Variants in CLDN14 observed in about 807,000 individuals in gnomAD.
The protein encoded by CLDN14 is claudin-14.
A neutral mutation model predicts 2.1 loss-of-function variants in CLDN14; 2 were observed. That is an observed-to-expected ratio of 0.96 (90% CI 0.39 to 3.01). The LOEUF (loss-of-function observed/expected upper bound fraction) is 3.01, where lower values mean the gene tolerates loss of function less well. Ranked by LOEUF, CLDN14 falls within the 30% of genes most tolerant of loss-of-function variation. The probability of loss-of-function intolerance (pLI) is 0.09; values close to 1 mark genes in which losing one functional copy is unlikely to be tolerated. For synonymous variants in CLDN14, 136 were observed against 154.4 expected (o/e 0.88, Z 0.88); for missense variants, 298 against 328.0 (o/e 0.91, Z 0.71).
chr21:36,516,051 G>A (rs555329915), intron 1 of CLDN14, among the ~76,000 whole-genome samples: 1 of 152,110 alleles, frequency 6.6e-6, no homozygotes, highest in South Asian at 2.1e-4. Context: ...GCCTCCCAAA[G>A]TGCTGGGATT....
intron 1 of CLDN14, among the ~76,000 whole-genome samples, chr21:36,571,867 A>G (rs1014876375): frequency 6.6e-6 from 1 of 152,208 alleles, no homozygotes; most frequent in African/African-American, 2.4e-5. Flanking sequence ...TTTCTAAGGT[A>G]TGAAAGGTAA....
intron 1 of CLDN14, among the ~76,000 whole-genome samples, chr21:36,477,046 T>C (rs990326982): frequency 6.6e-6 from 1 of 152,266 alleles, no homozygotes; most frequent in East Asian, 1.9e-4. Flanking sequence ...TACCTTTGCC[T>C]GCTCTCAGGA....
rs765378283 is a variant in CLDN14, at chr21:36,460,926, G to A, written c.*50C>T. 3.1e-6 allele frequency: 5 copies of A among 1,591,670 alleles called. No individual in the cohort carries two copies. The highest frequency in any genetic ancestry group is 3.4e-6 in the Non-Finnish European group (4 of 1,168,602). On this transcript the variant is annotated 3_prime_UTR_variant, in exon 2 of 2. Transcript: ENST00000399135. The surrounding 1 kb of genome is among the most constrained non-coding windows in gnomAD (Gnocchi z 4.0). Reference sequence around the variant, plus strand: ...AACCCCTGCCTCCATTGACAGTCCCGCCGGGGACCCAGCCCACAGCAGCCC... The same window carrying A: ...AACCCCTGCCTCCATTGACAGTCCCACCGGGGACCCAGCCCACAGCAGCCC...
At chr21:36,503,057 A>AT (rs939632705) in intron 2 of CLDN14, among the ~76,000 whole-genome samples, 14 of 152,170 alleles carry the variant, frequency 9.2e-5, no homozygotes, top group South Asian at 8.3e-4. Flanking sequence ...ACAAGAATGG[A>AT]TTTTTTTGTT....
intron 1 of CLDN14, among the ~76,000 whole-genome samples, chr21:36,463,942 G>A (rs1055730038): frequency 2.6e-5 from 4 of 152,162 alleles, no homozygotes; most frequent in Non-Finnish European, 5.9e-5. Context: ...ACAAAACAAC[G>A]TGGTGCCTCA....
At chr21:36,490,065 G>A (rs974032833) in intron 2 of CLDN14, among the ~76,000 whole-genome samples, 6 of 152,206 alleles carry the variant, frequency 3.9e-5, no homozygotes, top group African/African-American at 9.6e-5. Flanking sequence ...CTGCGGCCTC[G>A]CTGGAAGCAT....
At chr21:36,531,861 G>GCAA (rs2087383059) in intron 1 of CLDN14, 4 of 152,108 alleles carry the variant, frequency 2.6e-5, no homozygotes, top group Non-Finnish European at 5.9e-5. Context: ...AAGTCAAGCG[G>GCAA]ATTCTGGAGA....
intron 2 of CLDN14, among the ~76,000 whole-genome samples, chr21:36,510,180 C>T (rs1316878777): frequency 6.6e-6 from 1 of 152,226 alleles, no homozygotes; most frequent in Non-Finnish European, 1.5e-5. Context: ...TTCCACCCGC[C>T]AGACTGGAAA....
At chr21:36,531,833 T>C (rs1466181591) in intron 1 of CLDN14, 2 of 152,106 alleles carry the variant, frequency 1.3e-5, no homozygotes, top group African/African-American at 4.8e-5. Flanking sequence ...GTCCAATACA[T>C]CTAGGTTTGA....
At chr21:36,548,671 C>T (rs537037226) in intron 1 of CLDN14, among the ~76,000 whole-genome samples, 10 of 152,286 alleles carry the variant, frequency 6.6e-5, no homozygotes, top group Middle Eastern at 3.4e-3. Context: ...TCCCCTCTCC[C>T]GCATGGTCCC....
chr21:36,477,894 C>T (rs572628401), intron 1 of CLDN14, among the ~76,000 whole-genome samples: 1 of 152,318 alleles, frequency 6.6e-6, no homozygotes, highest in East Asian at 1.9e-4. Context: ...GAAGAATCCA[C>T]AGATTAGCTG....
At chr21:36,566,251 C>T (rs1484137416) in intron 1 of CLDN14, among the ~76,000 whole-genome samples, 1 of 152,132 alleles carries the variant, frequency 6.6e-6, no homozygotes, top group Non-Finnish European at 1.5e-5. Flanking sequence ...GATAACAAGG[C>T]ATATTTTATA....
rs114551506 is a variant in CLDN14 at position 36,460,925 on chromosome 21, C to T, written c.*51G>A. The stretch of plus-strand genomic sequence containing the variant: ...GAACCCCTGCCTCCATTGACAGTCC[C>T]GCCGGGGACCCAGCCCACAGCAGCC... On this transcript the variant is annotated 3_prime_UTR_variant, in exon 2 of 2. Coordinates refer to ENST00000399135, the MANE Select transcript of CLDN14 (RefSeq NM_001146079.2). The surrounding 1 kb of genome is among the most constrained non-coding windows in gnomAD (Gnocchi z 4.0). 6.0e-3 allele frequency: 9,531 copies of T among 1,589,256 alleles called. 438 individuals are homozygous for T. The African/African-American group carries it at 0.11, about 18-fold the overall frequency.
intron 1 of CLDN14, among the ~76,000 whole-genome samples, chr21:36,513,524 G>T: frequency 6.6e-6 from 1 of 152,168 alleles, no homozygotes; most frequent in East Asian, 1.9e-4. Context: ...CAGCTGAGGT[G>T]GGGATATCTA....
rs1343481995 is a variant in CLDN14 at position 36,469,386 on chromosome 21, A to G, written c.-81-7610T>C. ...GATTTTAAATGTGTGAGGACTTTCT[A>G]TACCATCCGCATAGAGTCTTTGATG... On this transcript the variant is annotated intron_variant, in intron 1 of 1. Transcript: ENST00000399135. Among the ~76,000 whole-genome samples, 5 of 152,178 alleles carry G rather than the reference A, an allele frequency of 3.3e-5. No individual in the cohort carries two copies. The East Asian group carries it at 9.6e-4, about 29-fold the overall frequency.
In CLDN14 at chr21:36,498,828, G is replaced by A. The variant is rs56318369; in HGVS notation, c.-82+11535C>T. On this transcript the variant is annotated intron_variant, in intron 2 of 2. Coordinates refer to the CLDN14 transcript ENST00000342108. This position sits in a 1 kb window ranked among gnomAD's most constrained non-coding sequence, Gnocchi z 4.9. ...ACACCATCAGCCCTGCACGAAGGTG[G>A]CCGCTGAGGGGCCCTCATGGGGGCT... 6.2e-3 allele frequency among the ~76,000 whole-genome samples: 941 copies of A among 152,250 alleles called. 8 individuals carry two copies. Among genetic ancestry groups the A allele is most frequent in the Non-Finnish European group, 1.0e-2 (679 of 68,020 alleles).
chr21:36,506,647 C>A (rs973577727), intron 2 of CLDN14, among the ~76,000 whole-genome samples: 24 of 151,530 alleles, frequency 1.6e-4, no homozygotes, highest in African/African-American at 5.6e-4. Flanking sequence ...TGCAGAGAGA[C>A]CTTCTGAGGG....
upstream of CLDN14, among the ~76,000 whole-genome samples, chr21:36,484,003 G>A (rs2086871296): frequency 6.6e-6 from 1 of 152,362 alleles, no homozygotes; most frequent in African/African-American, 2.4e-5. Flanking sequence ...ACCCACTGCA[G>A]GGATGGGCAG....
rs1218891926 is a variant in CLDN14, at chr21:36,498,623, G to A, written c.-82+11740C>T. ...AGGCGATGGGGACGTGGAACTGGTA[G>A]GACCGATGGCTAAGCTCTCTTCCCC... On this transcript the variant is annotated intron_variant, in intron 2 of 2. Coordinates refer to the CLDN14 transcript ENST00000342108. The surrounding 1 kb of genome is among the most constrained non-coding windows in gnomAD (Gnocchi z 4.9). Among the ~76,000 whole-genome samples the A allele has an allele frequency of 2.0e-5, 3 of 152,188 alleles. No individual in the cohort carries two copies. The highest frequency in any genetic ancestry group is 4.4e-5 in the Non-Finnish European group (3 of 68,036).
Sources: allele counts gnomAD v4.1 joint callset (sites outside exome capture counted in the v4.1 genomes callset), GRCh38; gene constraint gnomAD v4.1.1; non-coding constraint Gnocchi (gnomAD v3.1); transcripts MANE v1.5; gene names NCBI Gene and HGNC (gene_info 2026-07-23, HGNC 2026-07-21).